The following WHR1 variants were observed in gnomAD, a reference collection of about 807,000 sequenced individuals.
The protein encoded by WHR1 is MHC class III HLA-RP1.
the WHR1 span, among the ~76,000 whole-genome samples, chr6:31,978,522 A>G: frequency 6.6e-6 from 1 of 152,228 alleles, no homozygotes; most frequent in Non-Finnish European, 1.5e-5. Context: ...TCTCGTAAAC[A>G]GAAGTCCTGG....
At chr6:31,979,663 C>A in the WHR1 span, 1 of 1,438,150 alleles carries the variant, frequency 7.0e-7, no homozygotes, top group Non-Finnish European at 9.4e-7. Flanking sequence ...AGAAAAGCTG[C>A]CAAAAAGCTG....
At chr6:31,973,646 G>A in the WHR1 span, among the ~76,000 whole-genome samples, 24 of 152,152 alleles carry the variant, frequency 1.6e-4, no homozygotes, top group Admixed American at 4.6e-4. Context: ...CTAATCCTGC[G>A]AGGTCCGTGG....
chr6:31,977,046 C>A, the WHR1 span, among the ~76,000 whole-genome samples: 1 of 152,222 alleles, frequency 6.6e-6, no homozygotes, highest in African/African-American at 2.4e-5. Flanking sequence ...AAGGATAATT[C>A]CACTATTACT....
chr6:31,972,132 C>A, the WHR1 span: 1 of 1,613,004 alleles, frequency 6.2e-7, no homozygotes. The surrounding 1 kb of genome is among the most constrained non-coding windows in gnomAD (Gnocchi z 6.3). Flanking sequence ...CCCTCCACGC[C>A]GCCAACGAGT....
the WHR1 span, among the ~76,000 whole-genome samples, chr6:31,978,147 CAA>C: frequency 3.9e-5 from 6 of 152,150 alleles, no homozygotes; most frequent in Non-Finnish European, 8.8e-5. Flanking sequence ...AGTGTCTAAA[CAA>C]TTTTTTTTAA....
the WHR1 span, among the ~76,000 whole-genome samples, chr6:31,976,412 C>T: frequency 6.7e-6 from 1 of 149,732 alleles, no homozygotes. Context: ...GACGGGGTCG[C>T]GGCCGGGCAG....
chr6:31,971,704 G>T, the WHR1 span: 1 of 1,579,852 alleles, frequency 6.3e-7, no homozygotes, highest in Non-Finnish European at 8.6e-7. This position sits in a 1 kb window ranked among gnomAD's most constrained non-coding sequence, Gnocchi z 4.5. Flanking sequence ...GGGGTACAGA[G>T]TTTCCATTCT....
the WHR1 span, chr6:31,980,051 C>T: frequency 4.0e-6 from 1 of 249,348 alleles, no homozygotes; most frequent in Non-Finnish European, 7.7e-6. Flanking sequence ...CTCACATGGG[C>T]AGACACACTC....
the WHR1 span, chr6:31,980,000 C>T: frequency 9.7e-6 from 2 of 206,342 alleles, no homozygotes; most frequent in Admixed American, 1.0e-4. Context: ...CTTTGTAACC[C>T]ATGGAATATG....
At chr6:31,977,382 A>AC in the WHR1 span, among the ~76,000 whole-genome samples, 1 of 136,254 alleles carries the variant, frequency 7.3e-6, no homozygotes, top group East Asian at 2.2e-4. Context: ...TCGCTCTGTC[A>AC]CCCAGGCTGG....
At chr6:31,978,631 C>T in the WHR1 span, among the ~76,000 whole-genome samples, 1 of 152,198 alleles carries the variant, frequency 6.6e-6, no homozygotes, top group Non-Finnish European at 1.5e-5. Context: ...CAGCCTGCAT[C>T]TTAATCACTA....
At chr6:31,972,321 C>T in the WHR1 span, 5 of 1,613,014 alleles carry the variant, frequency 3.1e-6, no homozygotes, top group African/African-American at 4.0e-5. The surrounding 1 kb of genome is among the most constrained non-coding windows in gnomAD (Gnocchi z 6.3). Flanking sequence ...CCGGGGAGAC[C>T]GTACGTCACT....
the WHR1 span, chr6:31,979,574 C>T: frequency 6.2e-7 from 1 of 1,611,206 alleles, no homozygotes; most frequent in Non-Finnish European, 8.5e-7. Context: ...TGGAACCAAC[C>T]AAAGTCAGGC....
At chr6:31,975,641 AT>A in the WHR1 span, among the ~76,000 whole-genome samples, 33,284 of 124,478 alleles carry the variant, frequency 0.27, 3,117 homozygotes, top group Middle Eastern at 0.4. Context: ...TAATTCCACT[AT>A]TTTTTTTTTT....
At chr6:31,977,466 C>T in the WHR1 span, among the ~76,000 whole-genome samples, 5 of 151,770 alleles carry the variant, frequency 3.3e-5, no homozygotes, top group East Asian at 1.9e-4. Context: ...CTCAGCCTCC[C>T]GAGTAGCTGG....
the WHR1 span, among the ~76,000 whole-genome samples, chr6:31,977,042 A>G: frequency 6.6e-6 from 1 of 152,186 alleles, no homozygotes; most frequent in Admixed American, 6.5e-5. Context: ...TGGAAAGGAT[A>G]ATTCCACTAT....
chr6:31,979,429 G>T, the WHR1 span: 2 of 1,612,922 alleles, frequency 1.2e-6, no homozygotes, highest in Non-Finnish European at 1.7e-6. Context: ...CAAGGCCTGT[G>T]ATGGCCGACC....
At chr6:31,971,457 G>A in the WHR1 span, 6 of 1,613,824 alleles carry the variant, frequency 3.7e-6, no homozygotes, top group Non-Finnish European at 5.1e-6. This position sits in a 1 kb window ranked among gnomAD's most constrained non-coding sequence, Gnocchi z 4.5. Flanking sequence ...CGTTAGTGGG[G>A]GGTGGGCTAT....
the WHR1 span, among the ~76,000 whole-genome samples, chr6:31,978,561 T>G: frequency 6.6e-6 from 1 of 152,228 alleles, no homozygotes; most frequent in Admixed American, 6.5e-5. Context: ...AAACATTGAA[T>G]CCCATACTCC....
Sources: allele counts gnomAD v4.1 joint callset (sites outside exome capture counted in the v4.1 genomes callset), GRCh38; gene constraint gnomAD v4.1.1; non-coding constraint Gnocchi (gnomAD v3.1); transcripts MANE v1.5; gene names NCBI Gene and HGNC (gene_info 2026-07-23, HGNC 2026-07-21).